ZC3H3: variants seen among roughly 807,000 people sequenced by gnomAD.
ZC3H3 encodes the protein zinc finger CCCH domain-containing protein 3.
In ZC3H3, 36 loss-of-function variants were observed where a neutral mutation model predicts 77.3. That is an observed-to-expected ratio of 0.47 (90% CI 0.36 to 0.61). ZC3H3 has a LOEUF of 0.61. ZC3H3 is among the 20% of genes least tolerant of loss of function. The probability of loss-of-function intolerance (pLI) is 0.00; values close to 1 mark genes in which losing one functional copy is unlikely to be tolerated. For synonymous variants in ZC3H3, 626 were observed against 555.2 expected (o/e 1.13, Z -1.79); for missense variants, 1,331 against 1,312.2 (o/e 1.01, Z -0.22).
chr8:143,479,347 A>G (rs572571787), intron 4 of ZC3H3, among the ~76,000 whole-genome samples: 1 of 152,250 alleles, frequency 6.6e-6, no homozygotes, highest in South Asian at 2.1e-4. Flanking sequence ...TGGCCTTTGG[A>G]AACGAACTGC....
chr8:143,523,266 C>G, intron 3 of ZC3H3: 1 of 971,658 alleles, frequency 1.0e-6, no homozygotes, highest in Non-Finnish European at 1.2e-6. Flanking sequence ...AGGCTTGCTC[C>G]ACGTCCCCAG....
In ZC3H3 at chr8:143,539,953, G is replaced by A. The variant is rs1024576704; in HGVS notation, c.47-633C>T. ...AAATAAGTCCCTGGATAGCTACCCC[G>A]GTGCAGGAGGGCCAGGAACACAGGC... is the stretch of plus-strand genomic sequence containing the variant. On this transcript the variant is annotated intron_variant, in intron 1 of 11. Transcript: ENST00000262577. 3.9e-5 allele frequency among the ~76,000 whole-genome samples: 6 copies of A among 152,332 alleles called. No homozygotes were observed. In the East Asian group the frequency reaches 7.7e-4, roughly 20 times the overall value.
At chr8:143,443,422 A>G (rs1467047869) in intron 9 of ZC3H3, among the ~76,000 whole-genome samples, 1 of 152,188 alleles carries the variant, frequency 6.6e-6, no homozygotes, top group East Asian at 1.9e-4. Context: ...TGAGACCTTC[A>G]TCTCATGTTC....
Position 143,460,851 on chromosome 8 carries a change from A to AT in ZC3H3, c.2307+4865_2307+4866insA, listed in dbSNP as rs1820243241. 6.6e-6 allele frequency among the ~76,000 whole-genome samples: 1 copy of AT among 152,188 alleles called. No homozygotes were observed. The highest frequency in any genetic ancestry group is 2.4e-5 in the African/African-American group (1 of 41,446). On this transcript the variant is annotated intron_variant, in intron 9 of 11. Transcript: ENST00000262577. The surrounding 1 kb of genome is among the most constrained non-coding windows in gnomAD (Gnocchi z 4.0). ...GACCCTGGAAACATTACGCTGCGTG[A>AT]AAGACGCCAGACACCAAAGGACAGA...
chr8:143,438,762 G>A (rs756012758), intron 11 of ZC3H3, among the ~76,000 whole-genome samples: 2 of 152,210 alleles, frequency 1.3e-5, no homozygotes, highest in Non-Finnish European at 2.9e-5. Context: ...AGATGTCTCC[G>A]TGTAGCTGCC....
chr8:143,540,533 G>T (rs1372906502), intron 1 of ZC3H3, among the ~76,000 whole-genome samples: 1 of 152,210 alleles, frequency 6.6e-6, no homozygotes, highest in Non-Finnish European at 1.5e-5. Flanking sequence ...TCCGAACATG[G>T]ATTTTCTTTT....
chr8:143,475,290 G>A, intron 5 of ZC3H3, 108 bp downstream of exon 5: 1 of 1,348,230 alleles, frequency 7.4e-7, no homozygotes, highest in Non-Finnish European at 9.9e-7. Context: ...GTGAGCCAAG[G>A]CCCAGAGCAG....
In ZC3H3 at chr8:143,530,964, T is replaced by C. The variant is rs1563883722; in HGVS notation, c.1561+5293A>G. 6.7e-6 allele frequency among the ~76,000 whole-genome samples: 1 copy of C among 149,444 alleles called. No individual in the cohort carries two copies. The highest frequency in any genetic ancestry group is 1.5e-5 in the Non-Finnish European group (1 of 67,216). On this transcript the variant is annotated intron_variant, in intron 3 of 11. Transcript: ENST00000262577. This position sits in a 1 kb window ranked among gnomAD's most constrained non-coding sequence, Gnocchi z 4.3. The stretch of plus-strand genomic sequence containing the variant: ...GGGCTGTCTTCTATCTCCTTTTTTT[T>C]TTTTTTTTTTTTTGAGACAGGGTCT...
intron 2 of ZC3H3, among the ~76,000 whole-genome samples, chr8:143,537,620 C>T (rs1021006260): frequency 5.3e-5 from 8 of 152,346 alleles, no homozygotes; most frequent in Admixed American, 4.6e-4. Flanking sequence ...CTCACCATCC[C>T]CCTGGGGACA....
At chr8:143,484,159 G>A (rs1398840613) in intron 4 of ZC3H3, among the ~76,000 whole-genome samples, 4 of 152,198 alleles carry the variant, frequency 2.6e-5, no homozygotes, top group Admixed American at 2.6e-4. Flanking sequence ...AGCACGGCTG[G>A]CTCCCCCGGC....
Position 143,462,153 on chromosome 8 carries a change from A to C in ZC3H3, c.2307+3564T>G, listed in dbSNP as rs773915960. ...CCTCCCTGTGCCAGGGCCACCCAGG[A>C]CACTGCCAGGCCCACTGTGGCCCCC... is the stretch of plus-strand genomic sequence containing the variant. On this transcript the variant is annotated intron_variant, in intron 9 of 11. Transcript: ENST00000262577. This position sits in a 1 kb window ranked among gnomAD's most constrained non-coding sequence, Gnocchi z 4.7. Among the ~76,000 whole-genome samples the C allele has an allele frequency of 4.5e-4, 69 of 152,076 alleles. 1 individual carries two copies. Among genetic ancestry groups the C allele is most frequent in the Non-Finnish European group, 6.8e-4 (46 of 67,990 alleles).
intron 8 of ZC3H3, among the ~76,000 whole-genome samples, chr8:143,467,637 C>T (rs1014726863): frequency 3.3e-5 from 5 of 152,150 alleles, no homozygotes; most frequent in East Asian, 1.9e-4. Context: ...CTACACATGT[C>T]CCCCCCAGCC....
At chr8:143,455,453 G>A (rs1370593784) in intron 9 of ZC3H3, among the ~76,000 whole-genome samples, 1 of 152,004 alleles carries the variant, frequency 6.6e-6, no homozygotes, top group African/African-American at 2.4e-5. Context: ...CAGAGGTTGT[G>A]CCACTGCACT....
chr8:143,507,895 G>T lies in ZC3H3; in HGVS notation c.1566C>A (p.Ser522=), dbSNP rs760237360. 6.3e-7 allele frequency: 1 copy of T among 1,586,848 alleles called. No homozygotes were observed. Among genetic ancestry groups the T allele is most frequent in the Admixed American group, 1.7e-5 (1 of 58,544 alleles). ...GTGCAGTCCGCACGGCATGCAGGCT[G>T]GACGCTGTAGAGAAAACCCAGGGCA... The part of the protein sequence containing the change: ...SRAHLPTKEA[S]SLHAVRTAPT... Residue 522 remains serine, a synonymous_variant, in exon 4 of 12, where the codon TCC becomes TCA. Transcript: ENST00000262577.
chr8:143,522,820 G>A (rs1162821471), intron 3 of ZC3H3, among the ~76,000 whole-genome samples: 1 of 152,178 alleles, frequency 6.6e-6, no homozygotes, highest in African/African-American at 2.4e-5. Flanking sequence ...AGATACTTGG[G>A]AGGCTAAGCT....
chr8:143,463,337 AGCC>A (rs67626693), intron 9 of ZC3H3, among the ~76,000 whole-genome samples: 2 of 152,120 alleles, frequency 1.3e-5, no homozygotes, highest in African/African-American at 2.4e-5. Context: ...GCTGTCCCAG[AGCC>A]GCCGGGTGCT....
chr8:143,439,434 G>A (rs993111090), intron 11 of ZC3H3, among the ~76,000 whole-genome samples: 10 of 152,286 alleles, frequency 6.6e-5, no homozygotes, highest in African/African-American at 1.7e-4. Flanking sequence ...TCACTCAAAC[G>A]CGCGGAGAGC....
chr8:143,446,859 CTGTCTTCAGATAACTAATT>C (rs1819873937), intron 9 of ZC3H3, among the ~76,000 whole-genome samples: 12 of 152,250 alleles, frequency 7.9e-5, no homozygotes, highest in Admixed American at 7.9e-4. Flanking sequence ...AACCGGAGAA[CTGTCTTCAGATAACTAATT>C]GGTCGTCTGC....
At position 143,475,583 on chromosome 8, in the gene ZC3H3, G is replaced by C. The variant is rs1820711222; in HGVS notation, c.1718C>G (p.Ser573Cys). Residue 573 changes from serine (S) to cysteine (C), a missense_variant and splice_region_variant, in exon 5 of 12, where the codon TCC becomes TGC. Ser to Cys is a moderately radical substitution (Grantham distance 112). Around this residue, in one of 3 missense-constraint regions of ZC3H3, gnomAD observed 978 missense variants for 915.5 expected, o/e 1.07. Coordinates refer to ENST00000262577, the MANE Select transcript of ZC3H3 (RefSeq NM_015117.3). ...TGGACGCAGGCGGTTCAGCACCAGG[G>C]ACCTGCAGAGACAGGAAATGCCCGT... ...WRARRLSLSRSLVLNRLRPVA... is the reference protein window; with the variant it reads ...WRARRLSLSRCLVLNRLRPVA... The C allele has an allele frequency of 5.0e-6, 8 of 1,589,710 alleles. No individual in the cohort carries two copies. Among genetic ancestry groups the C allele is most frequent in the Non-Finnish European group, 6.8e-6 (8 of 1,168,318 alleles).
Sources: allele counts gnomAD v4.1 joint callset (sites outside exome capture counted in the v4.1 genomes callset), GRCh38; gene constraint gnomAD v4.1.1; regional missense constraint gnomAD v4.1.1; non-coding constraint Gnocchi (gnomAD v3.1); transcripts MANE v1.5; gene names NCBI Gene and HGNC (gene_info 2026-07-23, HGNC 2026-07-21).